The following DDB1 variants were observed in gnomAD, a reference collection of about 807,000 sequenced individuals.
The protein encoded by DDB1 is damage specific DNA binding protein 1.
A neutral mutation model predicts 133.1 loss-of-function variants in DDB1; 18 were observed. The observed-to-expected ratio is 0.14, with a 90% confidence interval of 0.09 to 0.20. The LOEUF (loss-of-function observed/expected upper bound fraction) is 0.20. Ranked by LOEUF, DDB1 falls within the 10% of genes least tolerant of loss-of-function variation. DDB1 has a pLI of 1.00. For missense variants in DDB1, 828 were observed against 1,459.2 expected, an observed-to-expected ratio of 0.57 and a Z score of 7.05; for synonymous variants, 580 against 550.5, an observed-to-expected ratio of 1.05 and a Z score of -0.75.
At chr11:61,316,782 G>A (rs540556882) in intron 10 of DDB1, among the ~76,000 whole-genome samples, 1 of 151,148 alleles carries the variant, frequency 6.6e-6, no homozygotes, top group East Asian at 2.0e-4. Context: ...GAACTTGCTA[G>A]GTGTGGTGGC....
Position 61,316,645 on chromosome 11 carries a change from G to C in DDB1, c.1226-78C>G, listed in dbSNP as rs1856072275. The C allele has an allele frequency of 4.1e-6, 6 of 1,463,340 alleles. No individual in the cohort carries two copies. In the South Asian group the frequency reaches 6.8e-5, roughly 17 times the overall value. 90.6% of individuals were successfully genotyped at this position (1,463,340 alleles called of 1,614,324 possible). ...GCATATCTACGGACAGGGCAGGCCA[G>C]GGGCAGTGGCTCATGCCTATAATCT... On this transcript the variant is annotated intron_variant, in intron 10 of 26. Coordinates refer to ENST00000301764, the MANE Select transcript of DDB1 (RefSeq NM_001923.5).
rs150106100 is a variant in DDB1, at chr11:61,323,077, G to A, written c.939C>T (p.Cys313=). Residue 313 remains cysteine, a synonymous_variant, in exon 8 of 27, where the codon TGC becomes TGT. Coordinates refer to ENST00000301764, the MANE Select transcript of DDB1 (RefSeq NM_001923.5). ...CAACACCATTATCAAGGTATGTCAAGCACTCAGCAATAGAGGTCTGGAAGA... is the reference window on the plus strand; with the variant it reads ...CAACACCATTATCAAGGTATGTCAAACACTCAGCAATAGAGGTCTGGAAGA... ...ELLGETSIAE[C]LTYLDNGVVF... is the part of the protein sequence containing the mutation. 2.0e-4 allele frequency: 325 copies of A among 1,613,938 alleles called. No individual in the cohort carries two copies. The highest frequency in any genetic ancestry group is 2.5e-4 in the Non-Finnish European group (299 of 1,179,964).
chr11:61,330,028 G>A lies in DDB1; in HGVS notation c.257C>T (p.Ala86Val), dbSNP rs781100169. 6.2e-7 allele frequency: 1 copy of A among 1,613,842 alleles called. No individual in the cohort carries two copies. Among genetic ancestry groups the A allele is most frequent in the South Asian group, 1.1e-5 (1 of 91,056 alleles). The change falls in exon 3 of 27, where the codon GCC (alanine) becomes GTC (valine). Residue 86 changes from alanine (A) to valine (V), a missense_variant. By Grantham distance (64) the Ala-to-Val change is moderately conservative (BLOSUM62 0). This residue lies in a region of DDB1 where 210 missense variants were observed against 344.8 expected (regional missense o/e 0.61). Coordinates refer to ENST00000301764, the MANE Select transcript of DDB1 (RefSeq NM_001923.5). The part of the protein sequence containing the change: ...LLFILTAKYN[A>V]CILEYKQSGE... ...ACTCTGTTTATACTCCAGGATGCAG[G>A]CATTGTACTTCGCTGTCAAGATAAA...
Position 61,316,962 on chromosome 11 carries a change from T to TAG in DDB1, c.1226-396_1226-395insCT, listed in dbSNP as rs1565034242. Among the ~76,000 whole-genome samples the TAG allele has an allele frequency of 3.1e-3, 75 of 24,102 alleles. 9 individuals are homozygous for TAG. Among genetic ancestry groups the TAG allele is most frequent in the Admixed American group, 0.028 (70 of 2,478 alleles). The allele number at this position is 24,102 out of a possible 152,430, so 15.8% of individuals were successfully genotyped here. A position where few individuals can be genotyped will look rare whatever the true frequency, so the allele number is the denominator to read the frequency against. ...AAAAGGATAGATATATATATATATA[T>TAG]ATATATATATATATATATATATATA... is the stretch of plus-strand genomic sequence containing the variant. On this transcript the variant is annotated intron_variant, in intron 10 of 26. Transcript: ENST00000301764.
intron 12 of DDB1, chr11:61,314,798 G>C: frequency 1.2e-5 from 2 of 161,286 alleles, no homozygotes; most frequent in Non-Finnish European, 2.6e-5. Flanking sequence ...AATAGAGTAA[G>C]ACCCTGTGAC....
chr11:61,305,949 A>G (rs1855875193), intron 21 of DDB1, among the ~76,000 whole-genome samples: 2 of 152,238 alleles, frequency 1.3e-5, no homozygotes, highest in South Asian at 4.1e-4. Context: ...GCATTTTTAT[A>G]CTGATTACAT....
chr11:61,300,783 C>T (rs1307113764), intron 26 of DDB1, 26 bp downstream of exon 26: 2 of 1,613,730 alleles, frequency 1.2e-6, no homozygotes, highest in Non-Finnish European at 1.7e-6. Context: ...CTTGTCTGGC[C>T]CAGGGTTAAA....
chr11:61,302,386 T>G, intron 24 of DDB1, 27 bp from the exon 25 acceptor site: 3 of 1,610,196 alleles, frequency 1.9e-6, no homozygotes, highest in Non-Finnish European at 2.5e-6. Flanking sequence ...GGCAGTGAGC[T>G]GCAGAGAGCT....
At chr11:61,320,886 C>CTT (rs781113068) in intron 10 of DDB1, among the ~76,000 whole-genome samples, 7 of 143,864 alleles carry the variant, frequency 4.9e-5, no homozygotes, top group Admixed American at 7.0e-5. Context: ...TGTAGCCTCT[C>CTT]TTTTTTTTTT....
At chr11:61,321,750 C>A in intron 9 of DDB1, 53 bp from the exon 10 acceptor site, 1 of 1,482,354 alleles carries the variant, frequency 6.7e-7, no homozygotes, top group Non-Finnish European at 9.4e-7. Flanking sequence ...CTGGGCCAGT[C>A]ATACTGATGC....
rs954015459 is a variant in DDB1 at position 61,314,141 on chromosome 11, G to A, written c.1659C>T (p.Ser553=). ...ITPLGDSNGL[S]PLCAIGLWTD... ...TCCAGAGGCCAATGGCACAAAGAGG[G>A]GACAGTCCATTGCTGTCTCCTAATG... The change falls in exon 14 of 27, where the codon TCC becomes TCT. Residue 553 remains serine, a synonymous_variant. Transcript: ENST00000301764. 7 of 1,613,912 alleles carry A rather than the reference G, an allele frequency of 4.3e-6. No individual in the cohort carries two copies. The African/African-American group carries it at 6.7e-5, about 15-fold the overall frequency.
Position 61,316,946 on chromosome 11 carries a change from GATATAT to G in DDB1, c.1226-385_1226-380del, listed in dbSNP as rs58564398. Among the ~76,000 whole-genome samples the G allele has an allele frequency of 2.4e-3, 71 of 29,050 alleles. 2 individuals are homozygous for G. Among genetic ancestry groups the G allele is most frequent in the East Asian group, 9.8e-3 (4 of 410 alleles). 19.1% of individuals were successfully genotyped at this position (29,050 alleles called of 152,430 possible). A position where few individuals can be genotyped will look rare whatever the true frequency, so the allele number is the denominator to read the frequency against. On this transcript the variant is annotated intron_variant, in intron 10 of 26. Transcript: ENST00000301764. ...AAAAAAAAAAAAAAAAAAAAGGATAGATATATATATATATATATATATATATATATA... is the reference window on the plus strand; with the variant it reads ...AAAAAAAAAAAAAAAAAAAAGGATAGATATATATATATATATATATATATA...
intron 6 of DDB1, among the ~76,000 whole-genome samples, chr11:61,325,025 G>A (rs990183956): frequency 6.6e-6 from 1 of 152,136 alleles, no homozygotes; most frequent in Non-Finnish European, 1.5e-5. Flanking sequence ...GCACATGCCT[G>A]TAATCCCAGC....
At chr11:61,301,680 C>T (rs1855798003) in intron 25 of DDB1, 2 of 152,292 alleles carry the variant, frequency 1.3e-5, no homozygotes, top group South Asian at 4.1e-4. Context: ...AGCAAAAAAC[C>T]AATAAACCAG....
intron 26 of DDB1, among the ~76,000 whole-genome samples, chr11:61,300,553 T>C (rs1320249697): frequency 6.6e-6 from 1 of 152,250 alleles, no homozygotes; most frequent in Non-Finnish European, 1.5e-5. Flanking sequence ...AGATCCCAGA[T>C]ATGTCTTCAC....
Position 61,316,531 on chromosome 11 carries a change from G to C in DDB1, c.1262C>G (p.Thr421Ser). ...WPLRSDPNRE[T>S]DDTLVLSFVG... Reference sequence around the variant, plus strand: ...AAAAGAGAGCACCAAAGTGTCATCAGTCTCACGATTAGGGTCAGACCGCAG... The same window carrying C: ...AAAAGAGAGCACCAAAGTGTCATCACTCTCACGATTAGGGTCAGACCGCAG... The change falls in exon 11 of 27, where the codon ACT becomes AGT. Residue 421 changes from threonine to serine, a missense_variant. Coordinates refer to ENST00000301764, the MANE Select transcript of DDB1 (RefSeq NM_001923.5). 1.2e-6 allele frequency: 2 copies of C among 1,614,150 alleles called. No individual in the cohort carries two copies. Among genetic ancestry groups the C allele is most frequent in the Non-Finnish European group, 1.7e-6 (2 of 1,180,044 alleles).
At chr11:61,302,926 A>C in intron 23 of DDB1, 120 bp downstream of exon 23, 2 of 1,283,526 alleles carry the variant, frequency 1.6e-6, no homozygotes, top group South Asian at 2.7e-5. Context: ...TCTGACGAGG[A>C]AAGTTCTATC....
At position 61,311,768 on chromosome 11, in the gene DDB1, T is replaced by C; in HGVS notation, c.2277+16A>G. The C allele has an allele frequency of 6.2e-7, 1 of 1,601,148 alleles. No homozygotes were observed. The highest frequency in any genetic ancestry group is 8.5e-7 in the Non-Finnish European group (1 of 1,175,426). ...CCCCTGCTCTAAGGTCATCTTTCTT[T>C]GTCCACTGCCCTTACCTGGGTGCTA... On this transcript the variant is annotated intron_variant, in intron 18 of 26. Coordinates refer to ENST00000301764, the MANE Select transcript of DDB1 (RefSeq NM_001923.5).
At chr11:61,303,238 C>G (rs1169141353) in intron 22 of DDB1, 83 bp from the exon 23 acceptor site, 1 of 1,262,062 alleles carries the variant, frequency 7.9e-7, no homozygotes, top group Non-Finnish European at 1.2e-6. Context: ...TTCCTTTATT[C>G]AGGAGCAAGG....
Sources: gnomAD v4.1 joint callset for allele counts (sites outside exome capture counted in the v4.1 genomes callset) on GRCh38, gnomAD v4.1.1 for gene constraint, gnomAD v4.1.1 regional missense constraint, MANE v1.5 for transcripts, NCBI Gene and HGNC (gene_info 2026-07-23, HGNC 2026-07-21) for gene names.